The following HMCN1 variants were observed in gnomAD, a reference collection of about 807,000 sequenced individuals.
HMCN1 encodes the protein hemicentin-1.
In HMCN1, 321 loss-of-function variants were observed where a neutral mutation model predicts 625.9. The ratio of observed to expected loss-of-function variants is 0.51; its 90% CI spans 0.47 to 0.56. HMCN1 has a LOEUF of 0.56. Ranked by LOEUF, HMCN1 falls within the 20% of genes least tolerant of loss-of-function variation. The pLI, the probability that HMCN1 is intolerant of heterozygous loss-of-function variation, is 0.00. For synonymous variants in HMCN1, 2,425 were observed against 2,417.6 expected (o/e 1.00, Z -0.09); for missense variants, 6,588 against 6,887.3 (o/e 0.96, Z 1.54).
intron 11 of HMCN1, among the ~76,000 whole-genome samples, chr1:185,950,689 G>T (rs1038010359): frequency 1.3e-5 from 2 of 151,876 alleles, no homozygotes; most frequent in Non-Finnish European, 2.9e-5. Context: ...TAGGTAATTT[G>T]CTGAGCTTGA....
intron 100 of HMCN1, among the ~76,000 whole-genome samples, chr1:186,170,439 A>T (rs1421340022): frequency 6.6e-6 from 1 of 152,232 alleles, no homozygotes; most frequent in East Asian, 1.9e-4. Context: ...CACCAATCCC[A>T]TTACTGGGTA....
rs879480584 is a variant in HMCN1 at position 185,889,736 on chromosome 1, A to G, written c.622-19601A>G. On this transcript the variant is annotated intron_variant, in intron 4 of 106. Coordinates refer to ENST00000271588, the MANE Select transcript of HMCN1 (RefSeq NM_031935.3). ...CCAGTATTTTATTGAGGATTTTTGC[A>G]TCAACGTTCATCAAGGATATTGGTC... Among the ~76,000 whole-genome samples the G allele has an allele frequency of 2.1e-4, 29 of 141,410 alleles. 1 individual carries two copies. The highest frequency in any genetic ancestry group is 8.8e-4 in the South Asian group (4 of 4,556). The allele number at this position is 141,410 out of a possible 152,430, so 92.8% of individuals were successfully genotyped here.
intron 1 of HMCN1, among the ~76,000 whole-genome samples, chr1:185,741,118 A>C (rs1002582677): frequency 6.6e-6 from 1 of 152,072 alleles, no homozygotes; most frequent in Non-Finnish European, 1.5e-5. Flanking sequence ...CCCTTCCATC[A>C]TCCACTGTGA....
At chr1:186,122,679 A>G (rs1274265935) in intron 80 of HMCN1, among the ~76,000 whole-genome samples, 1 of 152,220 alleles carries the variant, frequency 6.6e-6, no homozygotes, top group Non-Finnish European at 1.5e-5. Flanking sequence ...TAAATTTTCT[A>G]GACATGCATG....
In HMCN1 at chr1:186,087,307, A is replaced by G; in HGVS notation, c.9137A>G (p.Lys3046Arg). ...IAINQAGESK[K>R]KFSLTVYVPP... The stretch of plus-strand genomic sequence containing the variant: ...ATCAATCAAGCTGGCGAAAGCAAGA[A>G]AAAGTTTTCCCTGACTGTTTATGGT... The change falls in exon 59 of 107, where the codon AAA becomes AGA. Residue 3046 changes from lysine to arginine, a missense_variant. Lys to Arg is a conservative substitution (Grantham distance 26, BLOSUM62 2). Transcript: ENST00000271588. 6.2e-7 allele frequency: 1 copy of G among 1,613,150 alleles called. No homozygotes were observed. Among genetic ancestry groups the G allele is most frequent in the Non-Finnish European group, 8.5e-7 (1 of 1,179,310 alleles).
chr1:186,094,582 T>C (rs1379134317), intron 67 of HMCN1, among the ~76,000 whole-genome samples: 3 of 152,142 alleles, frequency 2.0e-5, no homozygotes, highest in African/African-American at 7.2e-5. Flanking sequence ...AATACTGATC[T>C]AGAAATTTGC....
intron 4 of HMCN1, among the ~76,000 whole-genome samples, chr1:185,900,645 C>A (rs73058243): frequency 0.063 from 9,631 of 151,892 alleles, 1,068 homozygotes; most frequent in African/African-American, 0.22. Context: ...ATTTATCTGC[C>A]TATCCAATGC....
intron 42 of HMCN1, among the ~76,000 whole-genome samples, chr1:186,050,428 G>C (rs1438280280): frequency 1.3e-5 from 2 of 151,818 alleles, no homozygotes; most frequent in South Asian, 4.2e-4. Flanking sequence ...CATATAAGAA[G>C]AGAGCTAGTA....
chr1:185,951,429 G>A (rs186179260), intron 11 of HMCN1, among the ~76,000 whole-genome samples: 2 of 148,196 alleles, frequency 1.3e-5, no homozygotes, highest in African/African-American at 4.9e-5. Context: ...TTGAAAAGAA[G>A]GTAATGTGGA....
intron 82 of HMCN1, among the ~76,000 whole-genome samples, chr1:186,126,705 GAAAGC>G (rs990659586): frequency 6.6e-6 from 1 of 152,288 alleles, no homozygotes; most frequent in Non-Finnish European, 1.5e-5. Flanking sequence ...GGAAGCCAGT[GAAAGC>G]AAAGCAAAGA....
rs539742202 is a variant in HMCN1 at position 185,905,338 on chromosome 1, G to A, written c.622-3999G>A. Among the ~76,000 whole-genome samples the A allele has an allele frequency of 7.3e-5, 11 of 151,632 alleles. No individual in the cohort carries two copies. The East Asian group carries it at 9.7e-4, about 13-fold the overall frequency. ...CATGTACTATATTAGGTTCAGGGAC[G>A]ATAGTAGTGAACAAATCAGCTATGG... On this transcript the variant is annotated intron_variant, in intron 4 of 106. Coordinates refer to ENST00000271588, the MANE Select transcript of HMCN1 (RefSeq NM_031935.3).
At chr1:186,181,213 A>C (rs1192158879) in intron 104 of HMCN1, among the ~76,000 whole-genome samples, 1 of 152,180 alleles carries the variant, frequency 6.6e-6, no homozygotes, top group African/African-American at 2.4e-5. Context: ...TAGAATCAAC[A>C]CTTTGGTTAA....
In HMCN1 at chr1:185,995,021, A is replaced by C; in HGVS notation, c.3712A>C (p.Ile1238Leu). The C allele has an allele frequency of 6.2e-7, 1 of 1,613,812 alleles. No homozygotes were observed. The highest frequency in any genetic ancestry group is 1.1e-5 in the South Asian group (1 of 91,074). The change falls in exon 24 of 107, where the codon ATA becomes CTA. Residue 1238 changes from isoleucine to leucine, a missense_variant. Physicochemically the swap from Ile to Leu is conservative, Grantham distance 5. Coordinates refer to ENST00000271588, the MANE Select transcript of HMCN1 (RefSeq NM_031935.3). ...CCAAGCCACGCCCTCAGATGCTGGC[A>C]TATATACATGTGTTGCTACTAACAT... ...IDQATPSDAGIYTCVATNIAG... is the reference protein window; with the variant it reads ...IDQATPSDAGLYTCVATNIAG...
chr1:185,746,099 C>T (rs1484145842), intron 1 of HMCN1, among the ~76,000 whole-genome samples: 2 of 152,152 alleles, frequency 1.3e-5, no homozygotes, highest in African/African-American at 4.8e-5. Context: ...AAAGGGTAAA[C>T]AATATGGAGC....
chr1:185,922,560 AGACT>A, intron 7 of HMCN1, 61 bp downstream of exon 7: 1 of 1,427,608 alleles, frequency 7.0e-7, no homozygotes, highest in Non-Finnish European at 9.7e-7. Context: ...AATATTTCTC[AGACT>A]GTCTATAATT....
At position 186,074,809 on chromosome 1, in the gene HMCN1, A is replaced by G; in HGVS notation, c.8208A>G (p.Gln2736=). The G allele has an allele frequency of 6.2e-7, 1 of 1,613,112 alleles. No homozygotes were observed. The highest frequency in any genetic ancestry group is 8.5e-7 in the Non-Finnish European group (1 of 1,179,362). Residue 2736 remains glutamine, a synonymous_variant, in exon 53 of 107, where the codon CAA becomes CAG. Coordinates refer to ENST00000271588, the MANE Select transcript of HMCN1 (RefSeq NM_031935.3). ...ACACACTTCAAATAAAGGAGGCTCA[A>G]ATATCAGACACCGGACGATATACTT... ...NGHTLQIKEA[Q]ISDTGRYTCV... is the part of the protein sequence containing the mutation.
At chr1:186,114,986 A>G in intron 74 of HMCN1, 40 bp downstream of exon 74, 1 of 1,613,896 alleles carries the variant, frequency 6.2e-7, no homozygotes, top group Non-Finnish European at 8.5e-7. Flanking sequence ...TCTCTGTGTC[A>G]AATGCTCTTT....
intron 54 of HMCN1, 72 bp downstream of exon 54, chr1:186,076,694 ATTGAAT>A: frequency 6.9e-7 from 1 of 1,452,714 alleles, no homozygotes; most frequent in Non-Finnish European, 9.6e-7. Flanking sequence ...TATTAGACGA[ATTGAAT>A]TGGTTGGGTC....
At chr1:186,003,640 T>C in intron 28 of HMCN1, 78 bp from the exon 29 acceptor site, 1 of 1,335,974 alleles carries the variant, frequency 7.5e-7, no homozygotes, top group South Asian at 1.2e-5. Context: ...ACTATAGAAA[T>C]CATTGACTGC....
Sources: gnomAD v4.1 joint callset for allele counts (sites outside exome capture counted in the v4.1 genomes callset) on GRCh38, gnomAD v4.1.1 for gene constraint, MANE v1.5 for transcripts, NCBI Gene and HGNC (gene_info 2026-07-23, HGNC 2026-07-21) for gene names.